The following LGSN variants were observed in gnomAD, a reference collection of about 807,000 sequenced individuals.
LGSN encodes lengsin.
Under a neutral mutation model 19.5 loss-of-function variants are expected in LGSN, and 21 were observed. That is an observed-to-expected ratio of 1.07 (90% CI 0.76 to 1.55). The LOEUF is 1.55. Ranked by LOEUF, LGSN falls within the 40% of genes most tolerant of loss-of-function variation. The pLI is 0.00. For synonymous variants in LGSN, 257 were observed against 215.6 expected (o/e 1.19, Z -1.68); for missense variants, 673 against 608.5 (o/e 1.11, Z -1.12).
At chr6:63,542,558 C>T in the LGSN span, among the ~76,000 whole-genome samples, 1 of 152,164 alleles carries the variant, frequency 6.6e-6, no homozygotes, top group African/African-American at 2.4e-5. Flanking sequence ...TTGCCTCTCT[C>T]CAATCTCTCT....
the LGSN span, among the ~76,000 whole-genome samples, chr6:63,391,232 G>T: frequency 6.6e-6 from 1 of 152,162 alleles, no homozygotes; most frequent in East Asian, 1.9e-4. Flanking sequence ...TCCTATTTGG[G>T]TTTGAGAAAA....
chr6:63,369,192 CAG>C, the LGSN span, among the ~76,000 whole-genome samples: 5 of 152,212 alleles, frequency 3.3e-5, no homozygotes, highest in Non-Finnish European at 7.3e-5. Context: ...GATCTGTAGG[CAG>C]AGTCTTAAGT....
At chr6:63,407,297 C>A in the LGSN span, among the ~76,000 whole-genome samples, 10 of 151,848 alleles carry the variant, frequency 6.6e-5, no homozygotes, top group Non-Finnish European at 1.3e-4. Flanking sequence ...ACTGGCAAAC[C>A]AAATCCAGCA....
chr6:63,528,634 G>A, the LGSN span, among the ~76,000 whole-genome samples: 2 of 152,000 alleles, frequency 1.3e-5, no homozygotes, highest in East Asian at 1.9e-4. Context: ...GGTGGTGTGC[G>A]CCTGTCATCC....
chr6:63,517,830 A>G, the LGSN span, among the ~76,000 whole-genome samples: 3 of 152,106 alleles, frequency 2.0e-5, no homozygotes, highest in Non-Finnish European at 4.4e-5. Context: ...GCGCAACCCA[A>G]TAGTTTTTAA....
the LGSN span, among the ~76,000 whole-genome samples, chr6:63,474,927 G>A: frequency 6.6e-6 from 1 of 150,778 alleles, no homozygotes; most frequent in African/African-American, 2.4e-5. Flanking sequence ...GAAAATGAAA[G>A]GTTGACTTCC....
the LGSN span, among the ~76,000 whole-genome samples, chr6:63,535,110 T>TTAGGTAATAAAATACA: frequency 1.3e-5 from 2 of 151,800 alleles, no homozygotes; most frequent in Admixed American, 6.6e-5. Context: ...AAACAGTATT[T>TTAGGTAATAAAATACA]TAGGTAATAA....
the LGSN span, among the ~76,000 whole-genome samples, chr6:63,370,462 A>G: frequency 2.8e-3 from 422 of 152,320 alleles, 4 homozygotes; most frequent in African/African-American, 9.6e-3. Context: ...ATGTAAGCCT[A>G]TGTTTAGGGT....
intron 1 of LGSN, among the ~76,000 whole-genome samples, chr6:63,301,733 C>T (rs972294152): frequency 7.2e-5 from 11 of 152,136 alleles, no homozygotes; most frequent in African/African-American, 2.7e-4. Flanking sequence ...AGATGTTCGT[C>T]CACCTTTTGA....
At chr6:63,300,850 C>T (rs1768152176) in intron 1 of LGSN, among the ~76,000 whole-genome samples, 1 of 151,922 alleles carries the variant, frequency 6.6e-6, no homozygotes, top group Non-Finnish European at 1.5e-5. Flanking sequence ...ATTGAGGAAA[C>T]ATCTTTCTAA....
the LGSN span, among the ~76,000 whole-genome samples, chr6:63,394,429 A>T: frequency 6.6e-6 from 1 of 152,186 alleles, no homozygotes; most frequent in Non-Finnish European, 1.5e-5. Flanking sequence ...AGACACTCCC[A>T]CTAGCATCAT....
At chr6:63,408,478 T>C in the LGSN span, among the ~76,000 whole-genome samples, 2 of 145,432 alleles carry the variant, frequency 1.4e-5, no homozygotes, top group African/African-American at 2.7e-5. Flanking sequence ...GCTAGCCATA[T>C]GTAGAAAGCT....
At chr6:63,355,723 G>A in the LGSN span, among the ~76,000 whole-genome samples, 1 of 152,242 alleles carries the variant, frequency 6.6e-6, no homozygotes, top group South Asian at 2.1e-4. Context: ...TTGATGCACA[G>A]GCTGTTGTGC....
the LGSN span, among the ~76,000 whole-genome samples, chr6:63,553,866 G>A: frequency 6.6e-6 from 1 of 152,260 alleles, no homozygotes; most frequent in South Asian, 2.1e-4. Context: ...TAACGTATTT[G>A]AGTCAGGTTA....
At chr6:63,309,101 C>T (rs1314698053) in intron 1 of LGSN, among the ~76,000 whole-genome samples, 2 of 152,096 alleles carry the variant, frequency 1.3e-5, no homozygotes, top group East Asian at 1.9e-4. Context: ...GAGTTAAATA[C>T]ACGTGGCAAT....
chr6:63,572,484 C>G, the LGSN span: 1 of 389,488 alleles, frequency 2.6e-6, no homozygotes, highest in Non-Finnish European at 4.5e-6. Flanking sequence ...AAGGGCGCCT[C>G]GGCGCGTGTA....
the LGSN span, among the ~76,000 whole-genome samples, chr6:63,501,227 G>T: frequency 1.3e-5 from 2 of 151,982 alleles, no homozygotes; most frequent in South Asian, 4.2e-4. Context: ...CAAAAAATTA[G>T]CCAGGCGTAG....
the LGSN span, among the ~76,000 whole-genome samples, chr6:63,456,346 AATATACAT>A: frequency 0.03 from 2,983 of 100,346 alleles, 345 homozygotes; most frequent in African/African-American, 0.063. Flanking sequence ...ACTTGGCAGA[AATATACAT>A]ATATATATAT....
the LGSN span, among the ~76,000 whole-genome samples, chr6:63,326,614 G>A: frequency 3.3e-5 from 5 of 152,312 alleles, no homozygotes; most frequent in East Asian, 1.9e-4. Flanking sequence ...AGGCAGCTAA[G>A]GCCCAGCAAG....
Sources: gnomAD v4.1 joint callset for allele counts (sites outside exome capture counted in the v4.1 genomes callset) on GRCh38, gnomAD v4.1.1 for gene constraint, MANE v1.5 for transcripts, NCBI Gene and HGNC (gene_info 2026-07-23, HGNC 2026-07-21) for gene names.